Variants in ARSG observed in about 807,000 individuals in gnomAD.
ARSG encodes arylsulfatase G.
A neutral mutation model predicts 50.5 loss-of-function variants in ARSG; 37 were observed. That is an observed-to-expected ratio of 0.73 (90% CI 0.56 to 0.96). The LOEUF is 0.96. ARSG is among the 50% of genes least tolerant of loss of function. The pLI is 0.00. For missense variants in ARSG, 629 were observed against 675.3 expected (o/e 0.93, Z 0.76); for synonymous variants, 225 against 254.6 (o/e 0.88, Z 1.11).
At chr17:68,393,644 A>C (rs1359732219) in intron 9 of ARSG, among the ~76,000 whole-genome samples, 1 of 152,090 alleles carries the variant, frequency 6.6e-6, no homozygotes, top group Non-Finnish European at 1.5e-5. Context: ...AGGCAGGTGG[A>C]TCACTTGAGG....
intron 8 of ARSG, among the ~76,000 whole-genome samples, chr17:68,373,030 T>A (rs1179686269): frequency 6.6e-6 from 1 of 151,516 alleles, no homozygotes; most frequent in Non-Finnish European, 1.5e-5. Context: ...TAGCTGGGAT[T>A]ACAGGTGTGT....
At chr17:68,440,493 A>G in the ARSG span, among the ~76,000 whole-genome samples, 2 of 152,240 alleles carry the variant, frequency 1.3e-5, no homozygotes, top group Non-Finnish European at 2.9e-5. Context: ...CCTAGAAAAT[A>G]TAAGGAGAAA....
chr17:68,333,944 C>A (rs1339874633), intron 2 of ARSG, among the ~76,000 whole-genome samples: 1 of 152,062 alleles, frequency 6.6e-6, no homozygotes, highest in Non-Finnish European at 1.5e-5. Context: ...GAAACCTGTG[C>A]CTAGGGAATT....
intron 1 of ARSG, among the ~76,000 whole-genome samples, chr17:68,299,702 A>G (rs2076343565): frequency 6.6e-6 from 1 of 152,208 alleles, no homozygotes; most frequent in South Asian, 2.1e-4. Context: ...CACGTGAACC[A>G]AGTGCAGTGT....
At chr17:68,331,440 T>G (rs910000072) in intron 2 of ARSG, among the ~76,000 whole-genome samples, 3 of 152,050 alleles carry the variant, frequency 2.0e-5, no homozygotes, top group Admixed American at 2.0e-4. Context: ...GAGACGGGGT[T>G]TCACCGTGTT....
chr17:68,328,408 G>A (rs191841992), intron 2 of ARSG, among the ~76,000 whole-genome samples: 1 of 152,292 alleles, frequency 6.6e-6, no homozygotes, highest in East Asian at 1.9e-4. Context: ...TGAGTTACCT[G>A]TCTAGTCTCA....
Position 68,356,705 on chromosome 17 carries a change from C to G in ARSG, c.605C>G (p.Pro202Arg). The G allele has an allele frequency of 6.2e-7, 1 of 1,614,228 alleles. No homozygotes were observed. The highest frequency in any genetic ancestry group is 8.5e-7 in the Non-Finnish European group (1 of 1,180,028). The change falls in exon 6 of 12, where the codon CCT (proline) becomes CGT (arginine). Residue 202 changes from proline (P) to arginine (R), a missense_variant. Physicochemically the swap from Pro to Arg is moderately radical, Grantham distance 103. Transcript: ENST00000621439. Reference protein sequence around the residue: ...QRDCYTDVALPLYENLNIVEQ... With the variant: ...QRDCYTDVALRLYENLNIVEQ... Reference sequence around the variant, plus strand: ...GACTGTTACACTGACGTGGCCCTCCCTCTTTATGAAAACCTCAACATTGTG... The same window carrying G: ...GACTGTTACACTGACGTGGCCCTCCGTCTTTATGAAAACCTCAACATTGTG...
intron 8 of ARSG, among the ~76,000 whole-genome samples, chr17:68,376,910 A>T (rs1290060261): frequency 2.0e-5 from 3 of 150,094 alleles, no homozygotes; most frequent in Non-Finnish European, 4.4e-5. Flanking sequence ...CCCAGGCTGG[A>T]GTGCAGAGGT....
intron 2 of ARSG, among the ~76,000 whole-genome samples, chr17:68,330,317 C>T (rs2077675272): frequency 6.6e-6 from 1 of 152,080 alleles, no homozygotes; most frequent in Non-Finnish European, 1.5e-5. Flanking sequence ...GTAAGTAGGG[C>T]TGCCACTTAT....
chr17:68,433,491 G>A, the ARSG span: 5 of 1,614,080 alleles, frequency 3.1e-6, no homozygotes, highest in Non-Finnish European at 3.4e-6. Context: ...GTTCCAGCTT[G>A]AAGATGTGTA....
chr17:68,405,657 C>T (rs78636373), intron 11 of ARSG, among the ~76,000 whole-genome samples: 2,824 of 152,170 alleles, frequency 0.019, 98 homozygotes, highest in African/African-American at 0.065. Context: ...AATTTGGATG[C>T]TTTTTATTTC....
chr17:68,410,354 GGCCTTTTCT>G (rs2081944599), intron 11 of ARSG, among the ~76,000 whole-genome samples: 2 of 145,088 alleles, frequency 1.4e-5, no homozygotes, highest in African/African-American at 5.1e-5. Context: ...TTTTGTCAAA[GGCCTTTTCT>G]GCATCTATTG....
At position 68,271,880 on chromosome 17, in the gene ARSG, G is replaced by A. The variant is rs529100147; in HGVS notation, c.-552+12454G>A. ...TGCAGTGGCCTGATCTCAGCTCACC[G>A]CAACCTCCACCTCCCGGGTTCAAGC... On this transcript the variant is annotated intron_variant, in intron 1 of 11. Transcript: ENST00000448504. This position sits in a 1 kb window ranked among gnomAD's most constrained non-coding sequence, Gnocchi z 5.3. 2.7e-4 allele frequency among the ~76,000 whole-genome samples: 41 copies of A among 152,216 alleles called. No individual in the cohort carries two copies. The highest frequency in any genetic ancestry group is 9.4e-4 in the African/African-American group (39 of 41,538).
chr17:68,295,889 A>G (rs1248035103), intron 1 of ARSG, among the ~76,000 whole-genome samples: 33 of 152,060 alleles, frequency 2.2e-4, no homozygotes, highest in Admixed American at 2.2e-3. Flanking sequence ...CATGTTGGCC[A>G]GGCTGGTCTC....
At chr17:68,412,727 G>C (rs984129162) in intron 11 of ARSG, among the ~76,000 whole-genome samples, 1 of 152,070 alleles carries the variant, frequency 6.6e-6, no homozygotes, top group Non-Finnish European at 1.5e-5. Flanking sequence ...TTCCAACTTG[G>C]TTCCATTCTC....
At chr17:68,299,519 A>T (rs1555760694) in intron 1 of ARSG, among the ~76,000 whole-genome samples, 1 of 152,044 alleles carries the variant, frequency 6.6e-6, no homozygotes, top group Non-Finnish European at 1.5e-5. Flanking sequence ...ATCGGATCTC[A>T]TCCTAGATCT....
chr17:68,268,061 T>C (rs2144900404), intron 1 of ARSG: 1 of 152,352 alleles, frequency 6.6e-6, no homozygotes, highest in African/African-American at 2.4e-5. Flanking sequence ...ATCCATTATT[T>C]TTTCCCCTTT....
At chr17:68,372,261 C>G (rs2079882447) in intron 8 of ARSG, among the ~76,000 whole-genome samples, 1 of 152,038 alleles carries the variant, frequency 6.6e-6, no homozygotes, top group South Asian at 2.1e-4. Context: ...CCAGTTCTAT[C>G]TAACTGTCAT....
chr17:68,355,280 G>C (rs563133092), intron 5 of ARSG, among the ~76,000 whole-genome samples: 1 of 152,312 alleles, frequency 6.6e-6, no homozygotes, highest in African/African-American at 2.4e-5. Context: ...ATCATGACCA[G>C]AGTCAGACCA....
Sources: gnomAD v4.1 joint callset for allele counts (sites outside exome capture counted in the v4.1 genomes callset) on GRCh38, gnomAD v4.1.1 for gene constraint, Gnocchi (gnomAD v3.1) non-coding constraint, MANE v1.5 for transcripts, NCBI Gene and HGNC (gene_info 2026-07-23, HGNC 2026-07-21) for gene names.